The following MOB1B variants were observed in gnomAD, a reference collection of about 807,000 sequenced individuals.
MOB1B encodes MOB kinase activator 1B.
MOB1B carries 19 observed loss-of-function variants against 24.4 expected under a neutral mutation model. The observed-to-expected ratio is 0.78, with a 90% CI of 0.54 to 1.14. The LOEUF is 1.14. Among genes scored for constraint, MOB1B ranks in the 50% most tolerant of loss-of-function variants. MOB1B has a pLI of 0.00. For missense variants in MOB1B, 243 were observed against 259.6 expected (o/e 0.94, Z 0.44); for synonymous variants, 76 against 82.1 (o/e 0.93, Z 0.40).
At chr4:70,912,551 TA>T (rs2148868233) in intron 1 of MOB1B, among the ~76,000 whole-genome samples, 1 of 152,314 alleles carries the variant, frequency 6.6e-6, no homozygotes, top group East Asian at 1.9e-4. Flanking sequence ...GTGCTGAGAT[TA>T]CAGGTGTGAG....
At chr4:70,969,225 G>A (rs926953757) in intron 2 of MOB1B, among the ~76,000 whole-genome samples, 3 of 152,070 alleles carry the variant, frequency 2.0e-5, no homozygotes, top group Non-Finnish European at 4.4e-5. Flanking sequence ...TGACTTCCTC[G>A]GCTCAAGGAA....
intron 2 of MOB1B, among the ~76,000 whole-genome samples, chr4:70,960,623 C>T (rs1172974247): frequency 1.3e-5 from 2 of 152,110 alleles, no homozygotes; most frequent in African/African-American, 4.8e-5. Context: ...ACAGCATTTA[C>T]ACAAGAGCCA....
At chr4:70,927,003 G>GA (rs11461406) in intron 1 of MOB1B, among the ~76,000 whole-genome samples, 126,430 of 141,162 alleles carry the variant, frequency 0.9, 57,128 homozygotes, top group Non-Finnish European at 0.96. Context: ...TCTCAAAAAA[G>GA]AAAAAAAAAA....
chr4:70,979,417 A>G, intron 5 of MOB1B, 126 bp downstream of exon 5: 1 of 662,058 alleles, frequency 1.5e-6, no homozygotes, highest in African/African-American at 1.8e-5. Context: ...ATCCTCTTCT[A>G]CAGTTTTCCA....
At chr4:70,949,935 A>C (rs1383356666) in intron 1 of MOB1B, among the ~76,000 whole-genome samples, 1 of 151,956 alleles carries the variant, frequency 6.6e-6, no homozygotes, top group Non-Finnish European at 1.5e-5. Flanking sequence ...TAAAATTACA[A>C]AGGGGTGGAG....
chr4:70,979,471 C>T (rs967812176), intron 5 of MOB1B, among the ~76,000 whole-genome samples, 180 bp downstream of exon 5: 3 of 152,098 alleles, frequency 2.0e-5, no homozygotes, highest in African/African-American at 7.2e-5. Context: ...TTATTAGTTT[C>T]CAAGTTGATG....
chr4:70,982,061 G>A lies in MOB1B; in HGVS notation c.*4G>A, dbSNP rs749022819. ...ACTCACCTCAAAAGACAGATAAAAG[G>A]ATGCAGAGCTGTGCAAATTGTTCCT... is the stretch of plus-strand genomic sequence containing the variant. On this transcript the variant is annotated 3_prime_UTR_variant, in exon 6 of 6. Transcript: ENST00000309395. 3 of 1,601,960 alleles carry A rather than the reference G, an allele frequency of 1.9e-6. No homozygotes were observed. Among genetic ancestry groups the A allele is most frequent in the African/African-American group, 1.3e-5 (1 of 74,728 alleles).
intron 1 of MOB1B, among the ~76,000 whole-genome samples, chr4:70,949,872 T>G (rs1737728436): frequency 6.6e-6 from 1 of 151,884 alleles, no homozygotes; most frequent in African/African-American, 2.4e-5. Flanking sequence ...TTTGTGTCAC[T>G]GCACTCCAGC....
intron 1 of MOB1B, among the ~76,000 whole-genome samples, chr4:70,918,433 A>G (rs1248973651): frequency 3.3e-5 from 5 of 151,624 alleles, no homozygotes; most frequent in African/African-American, 9.7e-5. Context: ...CATTTCTCTG[A>G]TGGCCAGTGA....
chr4:70,905,275 G>A (rs12331687), intron 1 of MOB1B, among the ~76,000 whole-genome samples: 3,468 of 149,994 alleles, frequency 0.023, 51 homozygotes, highest in Middle Eastern at 0.048. Flanking sequence ...ATCTCACTCT[G>A]TCGACCAGGA....
At chr4:70,975,744 A>G in intron 4 of MOB1B, 1 of 978,482 alleles carries the variant, frequency 1.0e-6, no homozygotes, top group Non-Finnish European at 1.2e-6. Flanking sequence ...AAAGTTCTAG[A>G]TGGAGGGTTA....
intron 1 of MOB1B, among the ~76,000 whole-genome samples, chr4:70,908,662 C>T (rs948693799): frequency 2.0e-5 from 3 of 151,086 alleles, no homozygotes; most frequent in Non-Finnish European, 4.4e-5. Context: ...GTAGTCCCAG[C>T]TACTCGGGAG....
chr4:70,905,095 C>T (rs1735686302), intron 1 of MOB1B, among the ~76,000 whole-genome samples: 1 of 152,120 alleles, frequency 6.6e-6, no homozygotes, highest in Non-Finnish European at 1.5e-5. Context: ...AAAGTTAATT[C>T]AACATTTTCA....
intron 1 of MOB1B, among the ~76,000 whole-genome samples, chr4:70,902,803 G>A (rs1439304991): frequency 6.6e-6 from 1 of 152,186 alleles, no homozygotes; most frequent in Non-Finnish European, 1.5e-5. Context: ...GGCACACCCC[G>A]GGGCCAGCGC....
At chr4:70,931,555 A>AT (rs1271655987) in intron 1 of MOB1B, among the ~76,000 whole-genome samples, 1 of 152,106 alleles carries the variant, frequency 6.6e-6, no homozygotes, top group African/African-American at 2.4e-5. Flanking sequence ...ACCTTTAGTG[A>AT]TTTTTTAGGG....
intron 3 of MOB1B, among the ~76,000 whole-genome samples, chr4:70,973,410 C>T (rs1239470884): frequency 7.6e-6 from 1 of 132,428 alleles, no homozygotes; most frequent in East Asian, 2.4e-4. Flanking sequence ...TTCAAGGGTG[C>T]GGTGAGCTAT....
At chr4:70,945,942 C>CT (rs34913117) in intron 1 of MOB1B, among the ~76,000 whole-genome samples, 4,302 of 145,018 alleles carry the variant, frequency 0.03, 194 homozygotes, top group African/African-American at 0.099. Flanking sequence ...TTTTGTGGTG[C>CT]TTTTTTTTTT....
At chr4:70,920,915 T>C (rs1379318582) in intron 1 of MOB1B, among the ~76,000 whole-genome samples, 1 of 152,186 alleles carries the variant, frequency 6.6e-6, no homozygotes, top group African/African-American at 2.4e-5. Context: ...TAATCTCTAC[T>C]GATAAAGGTA....
chr4:70,917,314 A>G (rs949077541), intron 1 of MOB1B, among the ~76,000 whole-genome samples: 2 of 152,254 alleles, frequency 1.3e-5, no homozygotes, highest in Admixed American at 6.5e-5. Flanking sequence ...AGTACACCCC[A>G]TTAGTGCACA....
Sources: allele counts gnomAD v4.1 joint callset (sites outside exome capture counted in the v4.1 genomes callset), GRCh38; gene constraint gnomAD v4.1.1; transcripts MANE v1.5; gene names NCBI Gene and HGNC (gene_info 2026-07-23, HGNC 2026-07-21).